Variants in EDIL3 observed in about 807,000 individuals in gnomAD.
The protein encoded by EDIL3 is EGF like and discoidin domains 3.
A neutral mutation model predicts 67.4 loss-of-function variants in EDIL3; 37 were observed. That is an observed-to-expected ratio of 0.55 (90% CI 0.42 to 0.72). EDIL3 has a LOEUF of 0.72. Ranked by LOEUF, EDIL3 falls within the 30% of genes least tolerant of loss-of-function variation. The pLI is 0.00. For synonymous variants in EDIL3, 195 were observed against 196.3 expected (o/e 0.99, Z 0.05); for missense variants, 527 against 586.3 (o/e 0.90, Z 1.04).
At chr5:83,992,754 A>T (rs1302995676) in intron 9 of EDIL3, among the ~76,000 whole-genome samples, 1 of 152,116 alleles carries the variant, frequency 6.6e-6, no homozygotes, top group East Asian at 1.9e-4. Context: ...ATGTAAATCT[A>T]TTAATTTTAA....
rs530783196 is a variant in EDIL3 at position 84,075,313 on chromosome 5, A to T, written c.652-8707T>A. On this transcript the variant is annotated intron_variant, in intron 6 of 10. Coordinates refer to ENST00000296591, the MANE Select transcript of EDIL3 (RefSeq NM_005711.5). ...ATGTATACATATGTAACTAACCTGC[A>T]CATTGTGCACATGTACCCTAAAACT... Among the ~76,000 whole-genome samples the T allele has an allele frequency of 1.2e-3, 183 of 152,198 alleles. 1 individual carries two copies. Among genetic ancestry groups the T allele is most frequent in the Middle Eastern group, 6.8e-3 (2 of 294 alleles).
chr5:84,027,851 T>C (rs1745843621), intron 9 of EDIL3, among the ~76,000 whole-genome samples: 1 of 152,072 alleles, frequency 6.6e-6, no homozygotes, highest in Admixed American at 6.6e-5. Flanking sequence ...CTGAAGACAC[T>C]TTGTAATATT....
At chr5:84,372,571 G>C (rs1253711009) in intron 1 of EDIL3, among the ~76,000 whole-genome samples, 1 of 152,184 alleles carries the variant, frequency 6.6e-6, no homozygotes, top group Admixed American at 6.5e-5. Flanking sequence ...AACAACTGCA[G>C]AAATCTTCCT....
intron 3 of EDIL3, among the ~76,000 whole-genome samples, chr5:84,207,920 G>T (rs1276187318): frequency 6.6e-6 from 1 of 152,024 alleles, no homozygotes; most frequent in African/African-American, 2.4e-5. Flanking sequence ...ACACTTAAAC[G>T]TTAGACCTAA....
intron 1 of EDIL3, among the ~76,000 whole-genome samples, chr5:84,260,347 C>T (rs986737417): frequency 4.6e-5 from 7 of 152,118 alleles, no homozygotes; most frequent in Non-Finnish European, 7.4e-5. Context: ...AGGAAGTGGT[C>T]AGCCCTCATG....
chr5:84,301,457 A>C (rs763155582), intron 1 of EDIL3, among the ~76,000 whole-genome samples: 1 of 152,160 alleles, frequency 6.6e-6, no homozygotes, highest in Admixed American at 6.5e-5. Flanking sequence ...ATCAAGTCCT[A>C]TGTAATGGAG....
rs111264213 is a variant in EDIL3 at position 84,069,989 on chromosome 5, G to A, written c.652-3383C>T. 1.1e-3 allele frequency among the ~76,000 whole-genome samples: 174 copies of A among 152,100 alleles called. 1 individual carries two copies. The highest frequency in any genetic ancestry group is 3.9e-3 in the African/African-American group (161 of 41,508). ...GCACCACCGACAGGCACCGGTAGAC[G>A]CCAGCAGGCCATCGACCCATGGAAT... On this transcript the variant is annotated intron_variant, in intron 6 of 10. Coordinates refer to ENST00000296591, the MANE Select transcript of EDIL3 (RefSeq NM_005711.5).
In EDIL3 at chr5:84,048,848, C is replaced by T. The variant is rs141707709; in HGVS notation, c.1137+11452G>A. On this transcript the variant is annotated intron_variant, in intron 9 of 10. Coordinates refer to ENST00000296591, the MANE Select transcript of EDIL3 (RefSeq NM_005711.5). ...TCTTTGAGTGCAGTTTGTTTAGTTC[C>T]GTGAACAAAACCAAAATGAATCAGC... 2.9e-3 allele frequency among the ~76,000 whole-genome samples: 436 copies of T among 152,064 alleles called. 3 individuals are homozygous for T. Among genetic ancestry groups the T allele is most frequent in the African/African-American group, 9.2e-3 (382 of 41,510 alleles).
intron 6 of EDIL3, among the ~76,000 whole-genome samples, chr5:84,070,976 T>C (rs894832925): frequency 6.6e-6 from 1 of 152,224 alleles, no homozygotes; most frequent in Non-Finnish European, 1.5e-5. Flanking sequence ...ATTTTGCTTA[T>C]TGAGCTCTTT....
At chr5:83,988,251 T>G (rs1168311917) in intron 9 of EDIL3, among the ~76,000 whole-genome samples, 2 of 152,164 alleles carry the variant, frequency 1.3e-5, no homozygotes, top group Non-Finnish European at 2.9e-5. Flanking sequence ...AATACAATAA[T>G]GCATAATTAC....
chr5:84,019,408 G>T (rs950451454), intron 9 of EDIL3, among the ~76,000 whole-genome samples: 11 of 151,890 alleles, frequency 7.2e-5, no homozygotes, highest in Admixed American at 5.3e-4. Context: ...TGGGGGGAGT[G>T]GGGAGGGATA....
intron 6 of EDIL3, among the ~76,000 whole-genome samples, chr5:84,075,495 A>T (rs937256727): frequency 6.6e-6 from 1 of 151,242 alleles, no homozygotes; most frequent in Non-Finnish European, 1.5e-5. Flanking sequence ...TATTATTTTG[A>T]GACGGAGTCT....
rs532749270 is a variant in EDIL3, at chr5:83,987,572, T to C, written c.1138-24212A>G. ...AGAAAATGCAGCTGCTAAAAATCAA[T>C]TTTCCATTTCTGAAAAGTGCAGATC... is the stretch of plus-strand genomic sequence containing the variant. On this transcript the variant is annotated intron_variant, in intron 9 of 10. Coordinates refer to ENST00000296591, the MANE Select transcript of EDIL3 (RefSeq NM_005711.5). 3.3e-3 allele frequency among the ~76,000 whole-genome samples: 510 copies of C among 152,250 alleles called. 3 individuals carry two copies. The highest frequency in any genetic ancestry group is 5.6e-3 in the Non-Finnish European group (381 of 67,998).
intron 4 of EDIL3, among the ~76,000 whole-genome samples, chr5:84,157,227 C>T (rs999442222): frequency 1.3e-4 from 19 of 151,880 alleles, no homozygotes; most frequent in African/African-American, 2.9e-4. Flanking sequence ...GGGTACGAGG[C>T]TTAATACCAG....
chr5:84,161,727 GC>G (rs1311966747), intron 4 of EDIL3, among the ~76,000 whole-genome samples: 1 of 152,026 alleles, frequency 6.6e-6, no homozygotes, highest in Non-Finnish European at 1.5e-5. Context: ...CCCAGCTTAG[GC>G]CTACCTGGGA....
intron 2 of EDIL3, among the ~76,000 whole-genome samples, chr5:84,252,493 C>CAAAAAAAAAAA (rs70975548): frequency 0.016 from 474 of 28,928 alleles, 113 homozygotes; most frequent in African/African-American, 0.053. Context: ...GACTCCGTCT[C>CAAAAAAAAAAA]AAAAAAAAAA....
intron 4 of EDIL3, among the ~76,000 whole-genome samples, chr5:84,160,065 G>C (rs1748575595): frequency 6.6e-6 from 1 of 152,044 alleles, no homozygotes; most frequent in African/African-American, 2.4e-5. Context: ...TAATTTAATA[G>C]ATAACATAAT....
intron 5 of EDIL3, among the ~76,000 whole-genome samples, chr5:84,110,390 A>G (rs1398347748): frequency 6.6e-6 from 1 of 152,202 alleles, no homozygotes; most frequent in African/African-American, 2.4e-5. Context: ...AAGGAATTAC[A>G]ATTCAGAATG....
chr5:84,053,746 A>C (rs1302875150), intron 9 of EDIL3, among the ~76,000 whole-genome samples: 1 of 152,226 alleles, frequency 6.6e-6, no homozygotes, highest in Non-Finnish European at 1.5e-5. Flanking sequence ...CACTCTCCCA[A>C]GACTAAACCA....
Sources: allele counts gnomAD v4.1 joint callset (sites outside exome capture counted in the v4.1 genomes callset), GRCh38; gene constraint gnomAD v4.1.1; transcripts MANE v1.5; gene names NCBI Gene and HGNC (gene_info 2026-07-23, HGNC 2026-07-21).